The following PCDH15 variants were observed in gnomAD, a reference collection of about 807,000 sequenced individuals.
PCDH15 encodes protocadherin related 15.
A neutral mutation model predicts 178.5 loss-of-function variants in PCDH15; 129 were observed. That is an observed-to-expected ratio of 0.72 (90% CI 0.63 to 0.84). The LOEUF (loss-of-function observed/expected upper bound fraction) is 0.84. Among genes scored for constraint, PCDH15 ranks in the 40% least tolerant of loss-of-function variants. The probability of loss-of-function intolerance (pLI) is 0.00; values close to 1 mark genes in which losing one functional copy is unlikely to be tolerated. For missense variants in PCDH15, 2,230 were observed against 2,099.9 expected (o/e 1.06, Z -1.21); for synonymous variants, 800 against 732.0 (o/e 1.09, Z -1.50).
intron 21 of PCDH15, among the ~76,000 whole-genome samples, chr10:53,993,525 A>G (rs927842474): frequency 6.6e-6 from 1 of 152,194 alleles, no homozygotes; most frequent in Non-Finnish European, 1.5e-5. Context: ...TATGAAATTG[A>G]AACTATTTTC....
chr10:54,582,624 C>T (rs889431650), intron 2 of PCDH15, among the ~76,000 whole-genome samples: 4 of 151,876 alleles, frequency 2.6e-5, no homozygotes, highest in Non-Finnish European at 5.9e-5. Flanking sequence ...AGAAATAGAA[C>T]ATTACTGGCA....
intron 2 of PCDH15, among the ~76,000 whole-genome samples, chr10:54,909,906 G>T (rs1954790027): frequency 6.6e-6 from 1 of 151,972 alleles, no homozygotes; most frequent in Non-Finnish European, 1.5e-5. Flanking sequence ...CCAGGGAGGT[G>T]GTCTCCAGGG....
At position 54,923,907 on chromosome 10, in the gene PCDH15, C is replaced by T. The variant is rs1837552959; in HGVS notation, c.-79-26407G>A. ...TCACCATTACCCAGTTCAAAAGATG[C>T]TTCCACATTTTCAGGTATCTTTATA... On this transcript the variant is annotated intron_variant, in intron 2 of 5. Transcript: ENST00000458638. Among the ~76,000 whole-genome samples, 2 of 138,076 alleles carry T rather than the reference C, an allele frequency of 1.4e-5. 1 individual carries two copies. The highest frequency in any genetic ancestry group is 4.6e-4 in the South Asian group (2 of 4,390). The allele number at this position is 138,076 out of a possible 152,430, so 90.6% of individuals were successfully genotyped here.
intron 2 of PCDH15, among the ~76,000 whole-genome samples, chr10:55,144,896 C>A (rs1045875546): frequency 1.3e-4 from 20 of 151,950 alleles, no homozygotes; most frequent in African/African-American, 4.1e-4. Context: ...GCAGACTTCA[C>A]ATATTTTTTT....
At chr10:54,899,072 T>C (rs919953014) in intron 2 of PCDH15, among the ~76,000 whole-genome samples, 4 of 152,078 alleles carry the variant, frequency 2.6e-5, no homozygotes, top group African/African-American at 9.7e-5. Flanking sequence ...AAAGTAACGA[T>C]TGCCATTTAA....
At chr10:54,861,039 C>T (rs1953832900) in intron 3 of PCDH15, among the ~76,000 whole-genome samples, 1 of 152,092 alleles carries the variant, frequency 6.6e-6, no homozygotes, top group Non-Finnish European at 1.5e-5. Context: ...TTATAATACT[C>T]ATTGAGAACT....
At chr10:54,767,973 T>C (rs1442952436) in intron 1 of PCDH15, among the ~76,000 whole-genome samples, 2 of 152,150 alleles carry the variant, frequency 1.3e-5, no homozygotes, top group Non-Finnish European at 2.9e-5. Context: ...GCATCAATAT[T>C]TATTATCTAA....
intron 2 of PCDH15, among the ~76,000 whole-genome samples, chr10:54,549,471 T>G (rs1165798917): frequency 1.3e-5 from 2 of 151,948 alleles, no homozygotes; most frequent in African/African-American, 4.8e-5. Flanking sequence ...TTTTACATAT[T>G]TTTATTACTG....
In PCDH15 at chr10:55,495,596, T is replaced by G. The variant is rs146645774; in HGVS notation, c.-156+132029A>C. On this transcript the variant is annotated intron_variant, in intron 2 of 5. Coordinates refer to the PCDH15 transcript ENST00000613346. ...GTTGTATTCAAAAGCACATAATAAC[T>G]TGTGTGCTCCATGTAGAGAAATTAG... Among the ~76,000 whole-genome samples, 787 of 151,926 alleles carry G rather than the reference T, an allele frequency of 5.2e-3. 8 individuals carry two copies. The highest frequency in any genetic ancestry group is 0.018 in the African/African-American group (761 of 41,490).
At chr10:55,441,401 T>C (rs1487461962) in intron 2 of PCDH15, among the ~76,000 whole-genome samples, 3 of 152,342 alleles carry the variant, frequency 2.0e-5, no homozygotes, top group Admixed American at 2.0e-4. Flanking sequence ...TGAGAGATTG[T>C]CTGTTACAGA....
At chr10:55,556,508 T>A (rs1053668527) in intron 2 of PCDH15, among the ~76,000 whole-genome samples, 3 of 152,252 alleles carry the variant, frequency 2.0e-5, no homozygotes, top group African/African-American at 7.2e-5. Flanking sequence ...ATTGTTTTAA[T>A]CTTATTTTTT....
chr10:54,647,705 T>C (rs765024810), intron 2 of PCDH15, among the ~76,000 whole-genome samples: 3 of 152,122 alleles, frequency 2.0e-5, no homozygotes, highest in Non-Finnish European at 2.9e-5. Context: ...ATTTTTGTAA[T>C]GATTAAATAG....
intron 2 of PCDH15, among the ~76,000 whole-genome samples, chr10:54,586,155 C>G (rs976241850): frequency 1.3e-5 from 2 of 151,944 alleles, no homozygotes; most frequent in Admixed American, 1.3e-4. Context: ...TATTGCTGTT[C>G]CATTACAGAT....
rs1292692607 is a variant in PCDH15 at position 53,961,626 on chromosome 10, A to T, written c.3009+126T>A. The T allele has an allele frequency of 6.0e-6, 4 of 663,766 alleles. No individual in the cohort carries two copies. The African/African-American group carries it at 7.5e-5, about 12-fold the overall frequency. The allele number at this position is 663,766 out of a possible 1,614,324, so 41.1% of individuals were successfully genotyped here. ...TTGTAAGTTTCTAAGAGAAAAAAAA[A>T]TTGTAATTTAAAAAAATTAAAAAGG... On this transcript the variant is annotated intron_variant, in intron 22 of 37. Transcript: ENST00000644397.
intron 5 of PCDH15, among the ~76,000 whole-genome samples, chr10:54,361,913 G>A (rs1946109716): frequency 6.6e-6 from 1 of 152,034 alleles, no homozygotes; most frequent in Non-Finnish European, 1.5e-5. Context: ...CAGTTTTGGA[G>A]TGAGAATGTT....
chr10:54,140,422 A>G (rs1024915837), intron 14 of PCDH15, among the ~76,000 whole-genome samples: 2 of 152,002 alleles, frequency 1.3e-5, no homozygotes, highest in African/African-American at 4.8e-5. Flanking sequence ...GTAAAGCCAA[A>G]GTTAATTGAG....
intron 2 of PCDH15, among the ~76,000 whole-genome samples, chr10:55,449,083 G>C (rs962421164): frequency 2.6e-5 from 4 of 151,860 alleles, no homozygotes; most frequent in African/African-American, 9.7e-5. Flanking sequence ...ATTGATTGAG[G>C]TAATTATTCT....
intron 2 of PCDH15, among the ~76,000 whole-genome samples, chr10:54,655,292 G>GAC (rs1458795661): frequency 4.7e-4 from 57 of 121,170 alleles, no homozygotes; most frequent in Non-Finnish European, 8.0e-4. Context: ...GAGAGAGAGA[G>GAC]AGAGAGAGAG....
intron 6 of PCDH15, among the ~76,000 whole-genome samples, chr10:54,332,929 ATATG>A (rs1334825662): frequency 1.6e-4 from 25 of 151,938 alleles, no homozygotes; most frequent in African/African-American, 5.8e-4. Flanking sequence ...TTTACTTTTT[ATATG>A]TATGTATTTA....
Sources: gnomAD v4.1 joint callset for allele counts (sites outside exome capture counted in the v4.1 genomes callset) on GRCh38, gnomAD v4.1.1 for gene constraint, MANE v1.5 for transcripts, NCBI Gene and HGNC (gene_info 2026-07-23, HGNC 2026-07-21) for gene names.